The following DLEC1 variants were observed in gnomAD, a reference collection of about 807,000 sequenced individuals.
DLEC1 encodes the protein DLEC1 cilia and flagella associated protein.
In DLEC1, 146 loss-of-function variants were observed where a neutral mutation model predicts 198.1. The observed-to-expected ratio is 0.74, with a 90% CI of 0.64 to 0.85. The LOEUF is 0.85. DLEC1 is among the 40% of genes least tolerant of loss of function. The pLI is 0.00. For synonymous variants in DLEC1, 897 were observed against 866.8 expected (o/e 1.03, Z -0.61); for missense variants, 2,233 against 2,220.0 (o/e 1.01, Z -0.12).
Position 38,123,177 on chromosome 3 carries a change from G to A in DLEC1, c.*765G>A, listed in dbSNP as rs148925787. Reference sequence around the variant, plus strand: ...AAAGGCACCCACCAAATTACCTCCAGACCAGGCTGACCCAGAAGGACGTCA... The same window carrying A: ...AAAGGCACCCACCAAATTACCTCCAAACCAGGCTGACCCAGAAGGACGTCA... On this transcript the variant is annotated 3_prime_UTR_variant, in exon 37 of 37. Coordinates refer to ENST00000308059, the MANE Select transcript of DLEC1 (RefSeq NM_007335.4). 1,141 of 1,536,854 alleles carry A rather than the reference G, an allele frequency of 7.4e-4. 6 individuals are homozygous for A. The Middle Eastern group carries it at 0.021, about 28-fold the overall frequency.
rs780838878 is a variant in DLEC1, at chr3:38,101,404, A to AATAT, written c.2864+990_2864+993dup. 3.3e-5 allele frequency among the ~76,000 whole-genome samples: 5 copies of AATAT among 151,650 alleles called. No individual in the cohort carries two copies. The South Asian group carries it at 1.0e-3, about 32-fold the overall frequency. On this transcript the variant is annotated intron_variant, in intron 19 of 36. Coordinates refer to ENST00000308059, the MANE Select transcript of DLEC1 (RefSeq NM_007335.4). ...CTGGAGGCAGAGGTTGCAGTGAATG[A>AATAT]ATATATATATATATTCATTTTCTTA... is the stretch of plus-strand genomic sequence containing the variant.
At chr3:38,080,280 G>A (rs1357131214) in intron 6 of DLEC1, among the ~76,000 whole-genome samples, 1 of 152,148 alleles carries the variant, frequency 6.6e-6, no homozygotes, top group African/African-American at 2.4e-5. Flanking sequence ...TAGGGTGGAG[G>A]AGCAGAGGCT....
At chr3:38,115,893 G>A (rs1700131031) in intron 27 of DLEC1, among the ~76,000 whole-genome samples, 1 of 152,048 alleles carries the variant, frequency 6.6e-6, no homozygotes, top group South Asian at 2.1e-4. Flanking sequence ...ATTGATGGGG[G>A]TGGCAATCTG....
At chr3:38,054,197 TA>T (rs746901513) in intron 2 of DLEC1, among the ~76,000 whole-genome samples, 37 of 145,554 alleles carry the variant, frequency 2.5e-4, no homozygotes, top group African/African-American at 4.3e-4. Context: ...CAATAAATAC[TA>T]AAAAAAAAAA....
At chr3:38,044,438 C>T (rs1700792904) in intron 1 of DLEC1, among the ~76,000 whole-genome samples, 1 of 151,966 alleles carries the variant, frequency 6.6e-6, no homozygotes, top group Non-Finnish European at 1.5e-5. Context: ...TGGCGGGCAC[C>T]TGTAATCCCA....
intron 18 of DLEC1, 26 bp downstream of exon 18, chr3:38,097,928 T>C (rs371367310): frequency 7.5e-5 from 121 of 1,613,694 alleles, no homozygotes; most frequent in Non-Finnish European, 9.8e-5. Context: ...CTGGTTCCTC[T>C]GGTGCCCCCA....
intron 9 of DLEC1, 67 bp from the exon 10 acceptor site, chr3:38,088,229 G>A (rs1464514965): frequency 7.1e-7 from 1 of 1,412,236 alleles, no homozygotes; most frequent in Non-Finnish European, 9.9e-7. Context: ...AAGGAGAGAA[G>A]TTTGCAATCT....
intron 19 of DLEC1, among the ~76,000 whole-genome samples, chr3:38,104,350 G>A (rs371700050): frequency 2.6e-4 from 40 of 152,112 alleles, no homozygotes; most frequent in Middle Eastern, 3.2e-3. Context: ...CCAGCTACTC[G>A]GGAGGCTGAG....
intron 33 of DLEC1, among the ~76,000 whole-genome samples, chr3:38,118,373 AC>A (rs1700295398): frequency 6.6e-6 from 1 of 151,974 alleles, no homozygotes; most frequent in Non-Finnish European, 1.5e-5. Context: ...TCCCACACAC[AC>A]AGACTCCGTC....
At position 38,117,301 on chromosome 3, in the gene DLEC1, C is replaced by G; in HGVS notation, c.4399C>G (p.Gln1467Glu). 6.2e-7 allele frequency: 1 copy of G among 1,613,974 alleles called. No homozygotes were observed. The highest frequency in any genetic ancestry group is 8.5e-7 in the Non-Finnish European group (1 of 1,179,926). Residue 1467 changes from glutamine (Q) to glutamate (E), a missense_variant and splice_region_variant, in exon 31 of 37, where the codon CAG (glutamine) becomes GAG (glutamate). By Grantham distance (29) the Gln-to-Glu change is conservative. Coordinates refer to ENST00000308059, the MANE Select transcript of DLEC1 (RefSeq NM_007335.4). The stretch of plus-strand genomic sequence containing the variant: ...CCTGCATAGCTACGTGAGGCCTGCA[C>G]AGTGAGTCAGCTGGGGTGCCCCATC... ...LDLHSYVRPAQLSVELDYGGS... is the reference protein window; with the variant it reads ...LDLHSYVRPAELSVELDYGGS...
rs373467084 is a variant in DLEC1 at position 38,096,684 on chromosome 3, C to T, written c.2287C>T (p.Leu763Phe). The T allele has an allele frequency of 5.0e-6, 8 of 1,613,396 alleles. No individual in the cohort carries two copies. Among genetic ancestry groups the T allele is most frequent in the African/African-American group, 1.3e-5 (1 of 75,010 alleles). The stretch of plus-strand genomic sequence containing the variant: ...CCAGGTTCTCTTAGAGCCATATGCC[C>T]TCATCATCCCAGGGGAGAACTACAT... The part of the protein sequence containing the change: ...PFQVLLEPYA[L>F]IIPGENYIGI... Residue 763 changes from leucine to phenylalanine, a missense_variant, in exon 15 of 37, where the codon CTC becomes TTC. Transcript: ENST00000308059.
At chr3:38,056,062 TACACACACACACACACACACACAC>T (rs57610638) in intron 2 of DLEC1, among the ~76,000 whole-genome samples, 25 of 120,446 alleles carry the variant, frequency 2.1e-4, no homozygotes, top group East Asian at 2.4e-4. Flanking sequence ...CTACAAAAAA[TACACACACACACACACACACACAC>T]ACACACACAC....
At position 38,047,255 on chromosome 3, in the gene DLEC1, G is replaced by C. The variant is rs1700924993; in HGVS notation, c.562+1562G>C. On this transcript the variant is annotated intron_variant, in intron 2 of 36. Transcript: ENST00000308059. ...TTCTTAATGCAGAAGTTTAAAGAGT[G>C]ATCCTTTAGAAATACAACTATGCAA... is the stretch of plus-strand genomic sequence containing the variant. Among the ~76,000 whole-genome samples the C allele has an allele frequency of 3.3e-5, 5 of 152,298 alleles. No homozygotes were observed. The South Asian group carries it at 1.0e-3, about 32-fold the overall frequency.
intron 21 of DLEC1, among the ~76,000 whole-genome samples, chr3:38,108,928 G>T (rs1295252570): frequency 2.6e-5 from 4 of 152,224 alleles, no homozygotes; most frequent in African/African-American, 7.2e-5. Flanking sequence ...GGCCACCAGG[G>T]TGGAATATGC....
At chr3:38,077,844 G>A (rs1697715995) in intron 6 of DLEC1, among the ~76,000 whole-genome samples, 1 of 152,016 alleles carries the variant, frequency 6.6e-6, no homozygotes, top group Non-Finnish European at 1.5e-5. Context: ...AAGGGAGGGG[G>A]CCTGAATAAT....
intron 6 of DLEC1, among the ~76,000 whole-genome samples, chr3:38,067,689 C>T (rs1354060589): frequency 6.6e-6 from 1 of 151,472 alleles, no homozygotes; most frequent in Non-Finnish European, 1.5e-5. Context: ...GCTGTGCTTC[C>T]TTACAGTATG....
intron 2 of DLEC1, chr3:38,052,415 C>G (rs1328323776): frequency 5.0e-6 from 1 of 198,486 alleles, no homozygotes; most frequent in Non-Finnish European, 1.1e-5. Flanking sequence ...ATAGTTGAAC[C>G]ACAAATAAGC....
At chr3:38,109,758 G>A in intron 22 of DLEC1, 196 bp downstream of exon 22, 2 of 958,308 alleles carry the variant, frequency 2.1e-6, no homozygotes, top group Non-Finnish European at 3.0e-6. Context: ...CCCTCTGTGT[G>A]GTCTCCCCAC....
Position 38,117,538 on chromosome 3 carries a change from A to C in DLEC1, c.4412A>C (p.Glu1471Ala). The C allele has an allele frequency of 6.2e-7, 1 of 1,614,172 alleles. No homozygotes were observed. The highest frequency in any genetic ancestry group is 8.5e-7 in the Non-Finnish European group (1 of 1,180,002). Residue 1471 changes from glutamate (E) to alanine (A), a missense_variant, in exon 32 of 37, where the codon GAG becomes GCG. Transcript: ENST00000308059. ...SYVRPAQLSVELDYGGSMEFQ... is the reference protein window; with the variant it reads ...SYVRPAQLSVALDYGGSMEFQ... ...CTATTGCTGGGCAGGCTAAGTGTGG[A>C]GCTGGACTACGGCGGCAGTATGGAA...
Sources: gnomAD v4.1 joint callset for allele counts (sites outside exome capture counted in the v4.1 genomes callset) on GRCh38, gnomAD v4.1.1 for gene constraint, MANE v1.5 for transcripts, NCBI Gene and HGNC (gene_info 2026-07-23, HGNC 2026-07-21) for gene names.